Variants in POU2F1 observed in about 807,000 individuals in gnomAD.
POU2F1 encodes POU class 2 homeobox 1.
In POU2F1, 16 loss-of-function variants were observed where a neutral mutation model predicts 84.9. The ratio of observed to expected loss-of-function variants is 0.19; its 90% confidence interval spans 0.13 to 0.29. POU2F1 has a LOEUF of 0.29. Ranked by LOEUF, POU2F1 falls within the 10% of genes least tolerant of loss-of-function variation. POU2F1 has a pLI of 1.00. For synonymous variants in POU2F1, 368 were observed against 368.3 expected, an observed-to-expected ratio of 1.00 and a Z score of 0.01; for missense variants, 738 against 942.6, an observed-to-expected ratio of 0.78 and a Z score of 2.84.
intron 1 of POU2F1, among the ~76,000 whole-genome samples, chr1:167,272,743 A>G (rs1221888356): frequency 1.3e-5 from 2 of 152,320 alleles, no homozygotes; most frequent in Middle Eastern, 3.4e-3. Flanking sequence ...TCCAACATCG[A>G]GGATTACAAT....
At chr1:167,281,763 C>A (rs1653159081) in intron 1 of POU2F1, among the ~76,000 whole-genome samples, 1 of 152,184 alleles carries the variant, frequency 6.6e-6, no homozygotes, top group Admixed American at 6.5e-5. Flanking sequence ...AATGAGGCAG[C>A]TTTAGGCTAA....
At chr1:167,302,548 C>T (rs913628842) in intron 1 of POU2F1, among the ~76,000 whole-genome samples, 1 of 152,126 alleles carries the variant, frequency 6.6e-6, no homozygotes, top group Non-Finnish European at 1.5e-5. Context: ...TGAGCCACCG[C>T]GCCTGGCCAA....
intron 8 of POU2F1, among the ~76,000 whole-genome samples, chr1:167,384,888 A>T (rs1403535940): frequency 1.3e-5 from 2 of 152,116 alleles, no homozygotes; most frequent in Non-Finnish European, 2.9e-5. Flanking sequence ...TAAATGACAT[A>T]CAGATTAGAA....
chr1:167,308,818 C>T (rs1379988890), intron 1 of POU2F1, among the ~76,000 whole-genome samples: 1 of 152,128 alleles, frequency 6.6e-6, no homozygotes, highest in Non-Finnish European at 1.5e-5. Flanking sequence ...CGTGCCTGGC[C>T]TTTTGTTATT....
intron 1 of POU2F1, among the ~76,000 whole-genome samples, chr1:167,253,784 C>G (rs915233725): frequency 2.0e-5 from 3 of 151,964 alleles, no homozygotes; most frequent in African/African-American, 7.3e-5. Flanking sequence ...CCCCCATACC[C>G]CATTTTAATT....
intron 8 of POU2F1, 77 bp from the exon 9 acceptor site, chr1:167,389,511 C>CT: frequency 1.3e-5 from 20 of 1,515,804 alleles, no homozygotes; most frequent in Non-Finnish European, 1.8e-5. Flanking sequence ...TGGCTCTTTC[C>CT]TTCAGTTGTT....
At chr1:167,226,804 T>A (rs973721916) in intron 1 of POU2F1, among the ~76,000 whole-genome samples, 1 of 152,104 alleles carries the variant, frequency 6.6e-6, no homozygotes, top group East Asian at 1.9e-4. Context: ...TGTTTTTGGG[T>A]TTTATTTATT....
At chr1:167,314,829 T>C (rs552813162) in intron 1 of POU2F1, among the ~76,000 whole-genome samples, 15 of 152,196 alleles carry the variant, frequency 9.9e-5, no homozygotes, top group African/African-American at 3.6e-4. Flanking sequence ...TGGATATTTG[T>C]CCCCACCCAG....
chr1:167,378,133 G>A (rs1291261619), intron 7 of POU2F1, among the ~76,000 whole-genome samples: 4 of 152,170 alleles, frequency 2.6e-5, no homozygotes, highest in African/African-American at 4.8e-5. Flanking sequence ...ACTGCTTTCC[G>A]CAATGGCTTA....
intron 1 of POU2F1, among the ~76,000 whole-genome samples, chr1:167,300,624 C>T (rs1325281101): frequency 1.3e-5 from 2 of 151,972 alleles, no homozygotes; most frequent in Non-Finnish European, 2.9e-5. Context: ...GCCACCATGC[C>T]CACCTAATTT....
At chr1:167,319,667 A>G (rs1656172111) in intron 1 of POU2F1, among the ~76,000 whole-genome samples, 2 of 151,812 alleles carry the variant, frequency 1.3e-5, no homozygotes, top group Admixed American at 6.6e-5. Flanking sequence ...AAAACACTGC[A>G]AAAGGTGACA....
At chr1:167,295,349 T>TA (rs1159766084) in intron 1 of POU2F1, among the ~76,000 whole-genome samples, 7 of 152,066 alleles carry the variant, frequency 4.6e-5, no homozygotes, top group African/African-American at 7.2e-5. Context: ...TACTCAGCCA[T>TA]AAAAAGGAAC....
chr1:167,252,800 A>G (rs1650830310), intron 1 of POU2F1, among the ~76,000 whole-genome samples: 1 of 152,244 alleles, frequency 6.6e-6, no homozygotes, highest in Non-Finnish European at 1.5e-5. Flanking sequence ...CTTCTTGTTT[A>G]TAACAGGTTA....
Position 167,398,004 on chromosome 1 carries a change from A to T in POU2F1, c.1140A>T (p.Ser380=). Residue 380 remains serine (S), a synonymous_variant, in exon 11 of 16, where the codon TCA becomes TCT. Transcript: ENST00000367866. ...EKWLNDAENL[S]SDSSLSSPSA... ...TCTTCATTCTTACAGAGAACCTCTCATCTGATTCGTCCCTCTCCAGCCCAA... is the reference window on the plus strand; with the variant it reads ...TCTTCATTCTTACAGAGAACCTCTCTTCTGATTCGTCCCTCTCCAGCCCAA... The T allele has an allele frequency of 6.2e-7, 1 of 1,612,910 alleles. No homozygotes were observed. The highest frequency in any genetic ancestry group is 8.5e-7 in the Non-Finnish European group (1 of 1,179,454).
At chr1:167,345,027 A>G (rs1404162659) in intron 2 of POU2F1, among the ~76,000 whole-genome samples, 1 of 152,224 alleles carries the variant, frequency 6.6e-6, no homozygotes, top group Non-Finnish European at 1.5e-5. Context: ...ACACATGGAC[A>G]CAGGGAGGGG....
At chr1:167,256,528 CA>C (rs1433534597) in intron 1 of POU2F1, among the ~76,000 whole-genome samples, 1 of 151,904 alleles carries the variant, frequency 6.6e-6, no homozygotes, top group Non-Finnish European at 1.5e-5. Context: ...ATATTCACAC[CA>C]AATAACTTTG....
intron 1 of POU2F1, among the ~76,000 whole-genome samples, chr1:167,278,876 A>G (rs563989915): frequency 3.3e-5 from 5 of 151,968 alleles, no homozygotes; most frequent in Non-Finnish European, 7.4e-5. Flanking sequence ...CCTATTTCAC[A>G]TGGGTACATA....
intron 1 of POU2F1, among the ~76,000 whole-genome samples, chr1:167,273,260 A>C (rs914680896): frequency 2.0e-5 from 3 of 152,134 alleles, no homozygotes; most frequent in Non-Finnish European, 4.4e-5. Context: ...CGTTGAGTGC[A>C]TGTGGCTTTT....
In POU2F1 at chr1:167,220,925, G is replaced by A; in HGVS notation, c.28G>A (p.Asp10Asn). Residue 10 changes from aspartate (D) to asparagine (N), a missense_variant, in exon 1 of 16, where the codon GAT becomes AAT. Transcript: ENST00000367866. ...GGCGGACGGAGGAGCAGCGAGTCAAGATGAGAGTTCAGCCGCGGCGGCAGC... is the reference window on the plus strand; with the variant it reads ...GGCGGACGGAGGAGCAGCGAGTCAAAATGAGAGTTCAGCCGCGGCGGCAGC... The part of the protein sequence containing the change: MADGGAASQ[D>N]ESSAAAAAAA... 1.3e-6 allele frequency: 2 copies of A among 1,535,400 alleles called. No homozygotes were observed. Among genetic ancestry groups the A allele is most frequent in the East Asian group, 4.9e-5 (2 of 40,906 alleles).
Sources: gnomAD v4.1 joint callset for allele counts (sites outside exome capture counted in the v4.1 genomes callset) on GRCh38, gnomAD v4.1.1 for gene constraint, MANE v1.5 for transcripts, NCBI Gene and HGNC (gene_info 2026-07-23, HGNC 2026-07-21) for gene names.